PRUNE2: variants seen among roughly 807,000 people sequenced by gnomAD.
The protein encoded by PRUNE2 is prune homolog 2 with BCH domain.
Under a neutral mutation model 252.0 loss-of-function variants are expected in PRUNE2, and 164 were observed. The observed-to-expected ratio is 0.65, with a 90% CI of 0.57 to 0.74. PRUNE2 has a LOEUF of 0.74. Ranked by LOEUF, PRUNE2 falls within the 30% of genes least tolerant of loss-of-function variation. The probability of loss-of-function intolerance (pLI) is 0.00; values close to 1 mark genes in which losing one functional copy is unlikely to be tolerated. For missense variants in PRUNE2, 3,495 were observed against 3,711.0 expected (o/e 0.94, Z 1.51); for synonymous variants, 1,292 against 1,350.2 (o/e 0.96, Z 0.94).
At position 76,616,553 on chromosome 9, in the gene PRUNE2, C is replaced by T. The variant is rs1399495054; in HGVS notation, c.9237-1953G>A. On this transcript the variant is annotated intron_variant, in intron 18 of 18. Coordinates refer to ENST00000376718, the MANE Select transcript of PRUNE2 (RefSeq NM_015225.3). The stretch of plus-strand genomic sequence containing the variant: ...CATCGGGCCCCTGAGCTAACACTTA[C>T]ACCAGGATGCCCATCTCGATTATTT... 2.0e-5 allele frequency among the ~76,000 whole-genome samples: 3 copies of T among 152,218 alleles called. No homozygotes were observed. In the East Asian group the frequency reaches 5.8e-4, roughly 29 times the overall value.
At chr9:76,743,524 T>C (rs1027562863) in intron 6 of PRUNE2, among the ~76,000 whole-genome samples, 1 of 152,000 alleles carries the variant, frequency 6.6e-6, no homozygotes, top group African/African-American at 2.4e-5. Flanking sequence ...TAGCAAAGAA[T>C]ATCATGCTAA....
chr9:76,670,471 G>A (rs1472365074), intron 9 of PRUNE2, among the ~76,000 whole-genome samples: 1 of 151,736 alleles, frequency 6.6e-6, no homozygotes, highest in Non-Finnish European at 1.5e-5. Flanking sequence ...AGTGAGGCTG[G>A]GGGAGGGGCG....
rs368347159 is a variant in PRUNE2 at position 76,696,486 on chromosome 9, C to T, written c.8276+6851G>A. 1.1e-3 allele frequency among the ~76,000 whole-genome samples: 175 copies of T among 152,272 alleles called. 1 individual carries two copies. Among genetic ancestry groups the T allele is most frequent in the African/African-American group, 4.0e-3 (165 of 41,538 alleles). ...TGTTATCCAGGCTGGAGTGCAATGG[C>T]ATGATCTCGGCTCACTGCAACCTCC... On this transcript the variant is annotated intron_variant, in intron 9 of 18. Coordinates refer to ENST00000376718, the MANE Select transcript of PRUNE2 (RefSeq NM_015225.3).
chr9:76,629,844 G>A (rs949403824), intron 15 of PRUNE2, among the ~76,000 whole-genome samples: 2 of 152,154 alleles, frequency 1.3e-5, no homozygotes, highest in African/African-American at 4.8e-5. Flanking sequence ...GTGAGATCAT[G>A]CAGTATTTGG....
chr9:76,616,796 A>G (rs1029198163), intron 18 of PRUNE2, among the ~76,000 whole-genome samples: 3 of 151,890 alleles, frequency 2.0e-5, no homozygotes, highest in Admixed American at 2.0e-4. Flanking sequence ...GCTATTAACA[A>G]TGATGCTAAT....
intron 6 of PRUNE2, among the ~76,000 whole-genome samples, chr9:76,804,095 C>T (rs1224389376): frequency 1.3e-5 from 2 of 152,186 alleles, no homozygotes; most frequent in Non-Finnish European, 2.9e-5. Flanking sequence ...CCAGATCAGC[C>T]TGTCTACTAG....
In PRUNE2 at chr9:76,879,826, G is replaced by GT. The variant is rs1209689510; in HGVS notation, c.37-25619dup. On this transcript the variant is annotated intron_variant, in intron 1 of 18. Coordinates refer to ENST00000376718, the MANE Select transcript of PRUNE2 (RefSeq NM_015225.3). ...TGAAATCTGATTAACACAAGGCCCC[G>GT]TTTTTTATTTCCACTGTAAAGATTA... 2.4e-5 allele frequency among the ~76,000 whole-genome samples: 3 copies of GT among 125,670 alleles called. No individual in the cohort carries two copies. The East Asian group carries it at 7.4e-4, about 31-fold the overall frequency. 82.4% of individuals were successfully genotyped at this position (125,670 alleles called of 152,430 possible).
chr9:76,784,573 A>T (rs2054775284), intron 6 of PRUNE2: 1 of 152,192 alleles, frequency 6.6e-6, no homozygotes, highest in Non-Finnish European at 1.5e-5. Context: ...ATATCCAGCC[A>T]CACTCATTTT....
chr9:76,755,076 T>C (rs972513312), intron 6 of PRUNE2, among the ~76,000 whole-genome samples: 1 of 152,194 alleles, frequency 6.6e-6, no homozygotes, highest in Non-Finnish European at 1.5e-5. Flanking sequence ...TCTTTTTTAT[T>C]CATTCGACGA....
chr9:76,892,227 A>C (rs1014393521), intron 1 of PRUNE2, among the ~76,000 whole-genome samples: 7 of 152,118 alleles, frequency 4.6e-5, no homozygotes, highest in Admixed American at 4.6e-4. Flanking sequence ...CATACTGCAC[A>C]AATTCTCTAA....
intron 9 of PRUNE2, among the ~76,000 whole-genome samples, chr9:76,679,593 C>T (rs548013760): frequency 6.6e-6 from 1 of 152,230 alleles, no homozygotes; most frequent in East Asian, 1.9e-4. Flanking sequence ...GAGTTTGAAG[C>T]TGCAGTGAGC....
At chr9:76,868,194 AGTAAATG>A (rs1172356428) in intron 1 of PRUNE2, among the ~76,000 whole-genome samples, 3 of 152,210 alleles carry the variant, frequency 2.0e-5, no homozygotes, top group African/African-American at 7.2e-5. Context: ...CATGACAGGC[AGTAAATG>A]GTGGCATAGG....
chr9:76,774,059 T>C (rs2053418923), intron 6 of PRUNE2, among the ~76,000 whole-genome samples: 1 of 152,178 alleles, frequency 6.6e-6, no homozygotes. Context: ...TTTCAAATAA[T>C]AATTAGATTA....
intron 17 of PRUNE2, among the ~76,000 whole-genome samples, chr9:76,623,049 T>C (rs1050918545): frequency 1.3e-5 from 2 of 152,160 alleles, no homozygotes; most frequent in Non-Finnish European, 2.9e-5. Context: ...ATGCAGAAAA[T>C]GTCTATTAGT....
At chr9:76,861,426 G>T (rs1443065446) in intron 1 of PRUNE2, among the ~76,000 whole-genome samples, 2 of 152,144 alleles carry the variant, frequency 1.3e-5, no homozygotes, top group Admixed American at 6.5e-5. Flanking sequence ...GAGGAGACAG[G>T]CATCAGTGTG....
intron 6 of PRUNE2, among the ~76,000 whole-genome samples, chr9:76,793,106 AATTAT>A (rs755159489): frequency 2.0e-5 from 3 of 152,224 alleles, no homozygotes; most frequent in Non-Finnish European, 2.9e-5. Flanking sequence ...CATCTTCTGC[AATTAT>A]AATATACAGG....
intron 18 of PRUNE2, among the ~76,000 whole-genome samples, chr9:76,616,027 C>T (rs922107194): frequency 6.6e-6 from 1 of 151,102 alleles, no homozygotes; most frequent in Non-Finnish European, 1.5e-5. Context: ...TTCAGCCTCC[C>T]AAAGTGCTGG....
Position 76,801,890 on chromosome 9 carries a change from G to A in PRUNE2, c.756+21742C>T, listed in dbSNP as rs140716729. Among the ~76,000 whole-genome samples the A allele has an allele frequency of 5.5e-4, 84 of 152,190 alleles. 1 individual carries two copies. The highest frequency in any genetic ancestry group is 2.0e-3 in the African/African-American group (82 of 41,542). On this transcript the variant is annotated intron_variant, in intron 6 of 18. Transcript: ENST00000376718. ...GGGACTCTTTCAATGACACAAAAGC[G>A]TTATGTCATTAATGGAGCTTGGATT...
At chr9:76,755,772 G>A (rs978734154) in intron 6 of PRUNE2, among the ~76,000 whole-genome samples, 2 of 152,050 alleles carry the variant, frequency 1.3e-5, no homozygotes, top group South Asian at 2.1e-4. Context: ...ACGCAATCTC[G>A]GCTCACTGCA....
Sources: gnomAD v4.1 joint callset for allele counts (sites outside exome capture counted in the v4.1 genomes callset) on GRCh38, gnomAD v4.1.1 for gene constraint, MANE v1.5 for transcripts, NCBI Gene and HGNC (gene_info 2026-07-23, HGNC 2026-07-21) for gene names.